KIF2C: variants seen among roughly 807,000 people sequenced by gnomAD.
KIF2C encodes kinesin-like protein KIF2C.
In KIF2C, 34 loss-of-function variants were observed where a neutral mutation model predicts 97.4. The ratio of observed to expected loss-of-function variants is 0.35; its 90% CI spans 0.27 to 0.46. The LOEUF is 0.46. KIF2C is among the 20% of genes least tolerant of loss of function. KIF2C has a pLI of 1.00. For missense variants in KIF2C, 750 were observed against 907.6 expected (o/e 0.83, Z 2.23); for synonymous variants, 313 against 318.2 (o/e 0.98, Z 0.17).
intron 19 of KIF2C, among the ~76,000 whole-genome samples, chr1:44,764,156 C>A (rs1314660732): frequency 6.6e-6 from 1 of 152,032 alleles, no homozygotes; most frequent in East Asian, 1.9e-4. Context: ...CAAGGTACCC[C>A]CCAAAATATG....
chr1:44,751,327 C>CT lies in KIF2C; in HGVS notation c.439+764dup, dbSNP rs536323017. 3.9e-3 allele frequency among the ~76,000 whole-genome samples: 600 copies of CT among 152,096 alleles called. 6 individuals carry two copies. Among genetic ancestry groups the CT allele is most frequent in the African/African-American group, 0.014 (566 of 41,490 alleles). On this transcript the variant is annotated intron_variant, in intron 5 of 20. Transcript: ENST00000372224. ...TCTCCCACCTCAGCCTCCTGGGTAG[C>CT]TGGGATTACAGGCATGTGCCACCAC...
chr1:44,766,703 A>T, intron 19 of KIF2C, 123 bp from the exon 20 acceptor site: 1 of 994,004 alleles, frequency 1.0e-6, no homozygotes, highest in South Asian at 1.8e-5. Context: ...GTGAACAGCC[A>T]GGGTATGGGT....
At chr1:44,754,688 T>A (rs1203087777) in intron 7 of KIF2C, 62 bp from the exon 8 acceptor site, 5 of 939,122 alleles carry the variant, frequency 5.3e-6, no homozygotes, top group Non-Finnish European at 5.3e-6. Flanking sequence ...TGCTGCCGCA[T>A]AGGGGTCTGA....
rs760177249 is a variant in KIF2C at position 44,762,251 on chromosome 1, T to C, written c.1752-95T>C. On this transcript the variant is annotated intron_variant, in intron 17 of 20. Transcript: ENST00000372224. ...AAGGCAAGGTTGCCATTCCATCCCC[T>C]TGGAGCCTCAAGCCTCGAAGCCTGG... The C allele has an allele frequency of 1.0e-5, 12 of 1,174,676 alleles. No homozygotes were observed. The Admixed American group carries it at 2.0e-4, about 20-fold the overall frequency. 72.8% of individuals were successfully genotyped at this position (1,174,676 alleles called of 1,614,324 possible). A position where few individuals can be genotyped will look rare whatever the true frequency, so the allele number is the denominator to read the frequency against.
Position 44,745,464 on chromosome 1 carries a change from C to CTTTTTTTTTTTTTTTTTTTTTT in KIF2C, c.166-1915_166-1894dup, listed in dbSNP as rs869293971. The stretch of plus-strand genomic sequence containing the variant: ...TCATGGTGGCAGGGGTTGTATATGT[C>CTTTTTTTTTTTTTTTTTTTTTT]TTTTTTTTTTTTTTTTTTTTTTTTT... On this transcript the variant is annotated intron_variant, in intron 2 of 20. Coordinates refer to ENST00000372224, the MANE Select transcript of KIF2C (RefSeq NM_006845.4). 6.0e-4 allele frequency among the ~76,000 whole-genome samples: 23 copies of CTTTTTTTTTTTTTTTTTTTTTT among 38,354 alleles called. 10 individuals are homozygous for CTTTTTTTTTTTTTTTTTTTTTT. The highest frequency in any genetic ancestry group is 7.3e-4 in the Admixed American group (2 of 2,742). The allele number at this position is 38,354 out of a possible 152,430, so 25.2% of individuals were successfully genotyped here. A position where few individuals can be genotyped will look rare whatever the true frequency, so the allele number is the denominator to read the frequency against.
chr1:44,759,510 C>G (rs1034707707), intron 14 of KIF2C, among the ~76,000 whole-genome samples, 162 bp downstream of exon 14: 1 of 152,128 alleles, frequency 6.6e-6, no homozygotes, highest in Non-Finnish European at 1.5e-5. Context: ...ACATATGACC[C>G]CAGGGCCAGA....
chr1:44,747,827 C>A, intron 4 of KIF2C, 127 bp downstream of exon 4: 1 of 743,622 alleles, frequency 1.3e-6, no homozygotes, highest in Non-Finnish European at 2.2e-6. Flanking sequence ...GCCTGTGTTC[C>A]AAGCATCTTT....
intron 2 of KIF2C, among the ~76,000 whole-genome samples, chr1:44,742,840 C>G (rs1649005606): frequency 6.6e-6 from 1 of 152,124 alleles, no homozygotes; most frequent in African/African-American, 2.4e-5. Context: ...AATCAATAAC[C>G]TGGTTGAGGA....
chr1:44,757,423 C>A (rs1339713829), intron 10 of KIF2C, 133 bp from the exon 11 acceptor site: 10 of 656,056 alleles, frequency 1.5e-5, no homozygotes, highest in Non-Finnish European at 2.8e-5. Context: ...TCAGGTGGGA[C>A]CACTGAGGCA....
chr1:44,741,052 C>A, intron 2 of KIF2C, 45 bp downstream of exon 2: 1 of 1,421,010 alleles, frequency 7.0e-7, no homozygotes, highest in Non-Finnish European at 9.9e-7. Context: ...TGTCTTCCTA[C>A]ATAAAGGATC....
chr1:44,765,372 T>C (rs1284494449), intron 19 of KIF2C, among the ~76,000 whole-genome samples: 1 of 152,186 alleles, frequency 6.6e-6, no homozygotes, highest in Admixed American at 6.5e-5. Context: ...GACAAGTTAA[T>C]GGGTGCAGCA....
At position 44,760,850 on chromosome 1, in the gene KIF2C, G is replaced by A. The variant is rs1650104616; in HGVS notation, c.1683+148G>A. Reference sequence around the variant, plus strand: ...TACCGTGACTGGGCTTCCAGACCCTGCTTTAATGCACGAGACTCCTTGTGG... The same window carrying A: ...TACCGTGACTGGGCTTCCAGACCCTACTTTAATGCACGAGACTCCTTGTGG... On this transcript the variant is annotated intron_variant, in intron 16 of 20. Coordinates refer to ENST00000372224, the MANE Select transcript of KIF2C (RefSeq NM_006845.4). This position sits in a 1 kb window ranked among gnomAD's most constrained non-coding sequence, Gnocchi z 4.2. 4.7e-6 allele frequency: 3 copies of A among 641,190 alleles called. No homozygotes were observed. Among genetic ancestry groups the A allele is most frequent in the Non-Finnish European group, 8.3e-6 (3 of 360,524 alleles). 39.7% of individuals were successfully genotyped at this position (641,190 alleles called of 1,614,324 possible).
chr1:44,740,807 C>G (rs1426474248), intron 1 of KIF2C, 106 bp from the exon 2 acceptor site: 3 of 322,354 alleles, frequency 9.3e-6, no homozygotes, highest in Non-Finnish European at 1.8e-5. Context: ...TTTAAGGTAG[C>G]TGCCTGTTCC....
Position 44,767,068 on chromosome 1 carries a change from C to T in KIF2C, c.2096-29C>T, listed in dbSNP as rs971918836. On this transcript the variant is annotated intron_variant, in intron 20 of 20. Coordinates refer to ENST00000372224, the MANE Select transcript of KIF2C (RefSeq NM_006845.4). ...GGGGGCTCCTCAGACTCTCACTAACCCCATATGTACCGCTACCCTTTCTTC... is the reference window on the plus strand; with the variant it reads ...GGGGGCTCCTCAGACTCTCACTAACTCCATATGTACCGCTACCCTTTCTTC... 3.1e-6 allele frequency: 5 copies of T among 1,611,782 alleles called. No individual in the cohort carries two copies. In the African/African-American group the frequency reaches 5.3e-5, roughly 17 times the overall value.
intron 2 of KIF2C, among the ~76,000 whole-genome samples, chr1:44,744,167 AGCCG>A (rs1573549939): frequency 6.6e-6 from 1 of 151,762 alleles, no homozygotes; most frequent in South Asian, 2.1e-4. Flanking sequence ...TCCCTCAGTG[AGCCG>A]ATTTCGGCTC....
chr1:44,760,441 G>C lies in KIF2C; in HGVS notation c.1529G>C (p.Arg510Pro), dbSNP rs779563382. 4.3e-6 allele frequency: 7 copies of C among 1,614,204 alleles called. No homozygotes were observed. The highest frequency in any genetic ancestry group is 3.4e-6 in the Non-Finnish European group (4 of 1,180,032). ...ADTSSADRQTRMEGAEINKSL... is the reference protein window; with the variant it reads ...ADTSSADRQTPMEGAEINKSL... ...ACTTCCAGTGCTGACCGGCAGACCCGCATGGAGGGCGCAGAAATCAACAAG... is the reference window on the plus strand; with the variant it reads ...ACTTCCAGTGCTGACCGGCAGACCCCCATGGAGGGCGCAGAAATCAACAAG... Residue 510 changes from arginine to proline, a missense_variant, in exon 15 of 21, where the codon CGC (arginine) becomes CCC (proline). By Grantham distance (103) the Arg-to-Pro change is moderately radical. Coordinates refer to ENST00000372224, the MANE Select transcript of KIF2C (RefSeq NM_006845.4). The surrounding 1 kb of genome is among the most constrained non-coding windows in gnomAD (Gnocchi z 4.2).
chr1:44,744,915 C>T (rs1573550846), intron 2 of KIF2C, among the ~76,000 whole-genome samples: 2 of 150,914 alleles, frequency 1.3e-5, no homozygotes, highest in Admixed American at 6.6e-5. Context: ...AAAGGCCGGG[C>T]GTGGTGGCTC....
At chr1:44,746,778 G>A (rs375080707) in intron 2 of KIF2C, 41 of 1,602,024 alleles carry the variant, frequency 2.6e-5, no homozygotes, top group African/African-American at 2.5e-4. Context: ...TTATTAAGGA[G>A]TAACTATTTG....
At position 44,762,147 on chromosome 1, in the gene KIF2C, T is replaced by C. The variant is rs559077147; in HGVS notation, c.1751+164T>C. On this transcript the variant is annotated intron_variant, in intron 17 of 20. Coordinates refer to ENST00000372224, the MANE Select transcript of KIF2C (RefSeq NM_006845.4). ...CGCCGTGATGCTAGGTCTGTCCCAA[T>C]CCTCTCCGGGCCCTGCTGGAGAGTC... 2.4e-4 allele frequency: 197 copies of C among 837,752 alleles called. 3 individuals carry two copies. The South Asian group carries it at 2.6e-3, about 11-fold the overall frequency. The allele number at this position is 837,752 out of a possible 1,614,324, so 51.9% of individuals were successfully genotyped here. A position where few individuals can be genotyped will look rare whatever the true frequency, so the allele number is the denominator to read the frequency against.
Sources: gnomAD v4.1 joint callset for allele counts (sites outside exome capture counted in the v4.1 genomes callset) on GRCh38, gnomAD v4.1.1 for gene constraint, Gnocchi (gnomAD v3.1) non-coding constraint, MANE v1.5 for transcripts, NCBI Gene and HGNC (gene_info 2026-07-23, HGNC 2026-07-21) for gene names.